BRINP2: variants seen among roughly 807,000 people sequenced by gnomAD.
BRINP2 encodes the protein BMP/retinoic acid inducible neural specific 2, also known as BMP/retinoic acid-inducible neural-specific protein 2.
Under a neutral mutation model 69.2 loss-of-function variants are expected in BRINP2, and 21 were observed. The ratio of observed to expected loss-of-function variants is 0.30; its 90% CI spans 0.22 to 0.44. BRINP2 has a LOEUF of 0.44. BRINP2 is among the 20% of genes least tolerant of loss of function. The pLI is 1.00. For missense variants in BRINP2, 877 were observed against 986.0 expected, an observed-to-expected ratio of 0.89 and a Z score of 1.48; for synonymous variants, 380 against 394.1, an observed-to-expected ratio of 0.96 and a Z score of 0.42.
At chr1:177,194,559 A>G (rs1005750533) in intron 1 of BRINP2, among the ~76,000 whole-genome samples, 9 of 152,184 alleles carry the variant, frequency 5.9e-5, no homozygotes. Context: ...ATGCATTCTT[A>G]ATTTGCAGGC....
At chr1:177,205,202 G>GGCAT (rs1307609337) in intron 1 of BRINP2, among the ~76,000 whole-genome samples, 2 of 152,090 alleles carry the variant, frequency 1.3e-5, no homozygotes, top group Non-Finnish European at 2.9e-5. Flanking sequence ...GGAGTGCAGT[G>GGCAT]GCATGATCTC....
At chr1:177,256,960 G>C (rs112131107) in intron 3 of BRINP2, 2 of 1,442,686 alleles carry the variant, frequency 1.4e-6, no homozygotes, top group Non-Finnish European at 9.1e-7. Flanking sequence ...GGGGGACTGA[G>C]CTTTGGAAGA....
chr1:177,246,484 G>T (rs1417142014), intron 2 of BRINP2, among the ~76,000 whole-genome samples: 1 of 152,200 alleles, frequency 6.6e-6, no homozygotes, highest in Non-Finnish European at 1.5e-5. Flanking sequence ...TAAAATAAGC[G>T]TGTGTAAAAA....
rs117577763 is a variant in BRINP2 at position 177,184,923 on chromosome 1, C to T, written c.-77+13191C>T. On this transcript the variant is annotated intron_variant, in intron 1 of 7. Transcript: ENST00000361539. ...GTGGTTCTCAAAATGCAATGTGCAC[C>T]TGGGGAGCTTATTAAAATGCAGAAT... is the stretch of plus-strand genomic sequence containing the variant. Among the ~76,000 whole-genome samples the T allele has an allele frequency of 9.9e-5, 15 of 152,114 alleles. No individual in the cohort carries two copies. In the East Asian group the frequency reaches 2.9e-3, roughly 29 times the overall value.
chr1:177,196,165 G>A (rs10753144), intron 1 of BRINP2, among the ~76,000 whole-genome samples: 91,214 of 152,102 alleles, frequency 0.6, 29,138 homozygotes, highest in African/African-American at 0.83. Flanking sequence ...GTTGAATGAA[G>A]TGTGCATTTT....
At chr1:177,257,414 A>T (rs1558180259) in intron 4 of BRINP2, 30 bp downstream of exon 4, 1 of 1,566,842 alleles carries the variant, frequency 6.4e-7, no homozygotes. Context: ...AGGGAAGGGG[A>T]TGGGGGAAGC....
At chr1:177,197,192 G>A (rs1332571234) in intron 1 of BRINP2, among the ~76,000 whole-genome samples, 1 of 152,190 alleles carries the variant, frequency 6.6e-6, no homozygotes, top group Admixed American at 6.5e-5. Context: ...GGAGGCCTTA[G>A]GAAGCTTCCA....
intron 1 of BRINP2, among the ~76,000 whole-genome samples, chr1:177,201,773 T>C (rs914147046): frequency 1.3e-5 from 2 of 152,228 alleles, no homozygotes; most frequent in Non-Finnish European, 2.9e-5. Flanking sequence ...TCAGAAGGAA[T>C]GGTACCAGCT....
chr1:177,174,698 C>T (rs1408395197), intron 1 of BRINP2, among the ~76,000 whole-genome samples: 1 of 152,170 alleles, frequency 6.6e-6, no homozygotes, highest in African/African-American at 2.4e-5. Flanking sequence ...TTGGAAACTT[C>T]GAGGCTTGCT....
chr1:177,246,489 T>C (rs1464732859), intron 2 of BRINP2, among the ~76,000 whole-genome samples: 1 of 152,236 alleles, frequency 6.6e-6, no homozygotes, highest in Non-Finnish European at 1.5e-5. Context: ...TAAGCGTGTG[T>C]AAAAATTGTG....
chr1:177,210,962 TA>T (rs1352473113), intron 1 of BRINP2, among the ~76,000 whole-genome samples: 1 of 148,398 alleles, frequency 6.7e-6, no homozygotes, highest in African/African-American at 2.5e-5. Context: ...TTTATATTTT[TA>T]ATATAGCTAT....
At chr1:177,235,469 C>A (rs1015132865) in intron 2 of BRINP2, among the ~76,000 whole-genome samples, 1 of 152,054 alleles carries the variant, frequency 6.6e-6, no homozygotes, top group Admixed American at 6.5e-5. Context: ...GAGTAGGTAC[C>A]GCAGCTGGGA....
At chr1:177,173,842 T>G (rs1280462977) in intron 1 of BRINP2, among the ~76,000 whole-genome samples, 1 of 152,152 alleles carries the variant, frequency 6.6e-6, no homozygotes, top group Non-Finnish European at 1.5e-5. Context: ...CAAGAGGTAA[T>G]CTGGAGGGAC....
At chr1:177,186,575 T>C (rs1648431632) in intron 1 of BRINP2, among the ~76,000 whole-genome samples, 1 of 151,948 alleles carries the variant, frequency 6.6e-6, no homozygotes. Flanking sequence ...GATACTTATG[T>C]AGAGGTAATG....
At chr1:177,277,887 C>T (rs1312629842) in intron 6 of BRINP2, among the ~76,000 whole-genome samples, 2 of 152,084 alleles carry the variant, frequency 1.3e-5, no homozygotes, top group Non-Finnish European at 2.9e-5. Flanking sequence ...CCATGGTGTG[C>T]CCAGGAAGCT....
chr1:177,261,170 C>T (rs927989579), intron 4 of BRINP2, among the ~76,000 whole-genome samples: 2 of 151,636 alleles, frequency 1.3e-5, no homozygotes, highest in African/African-American at 2.4e-5. Flanking sequence ...GGCAGTGAGG[C>T]TGGCATGCAG....
At chr1:177,273,282 C>A (rs186604068) in intron 4 of BRINP2, among the ~76,000 whole-genome samples, 258 of 152,292 alleles carry the variant, frequency 1.7e-3, no homozygotes, top group African/African-American at 6.0e-3. Flanking sequence ...ATAACTGCTG[C>A]TGCCAGCTAT....
intron 1 of BRINP2, among the ~76,000 whole-genome samples, chr1:177,207,469 CAG>C (rs1382163022): frequency 6.6e-6 from 1 of 152,140 alleles, no homozygotes; most frequent in East Asian, 1.9e-4. Flanking sequence ...GTGTGGATAA[CAG>C]AGTCCTGCAG....
At chr1:177,273,120 C>T (rs1198698493) in intron 4 of BRINP2, among the ~76,000 whole-genome samples, 1 of 152,156 alleles carries the variant, frequency 6.6e-6, no homozygotes, top group Non-Finnish European at 1.5e-5. Context: ...CTGGGCTTTC[C>T]AGCAGGCTGA....
Sources: allele counts gnomAD v4.1 joint callset (sites outside exome capture counted in the v4.1 genomes callset), GRCh38; gene constraint gnomAD v4.1.1; transcripts MANE v1.5; gene names NCBI Gene and HGNC (gene_info 2026-07-23, HGNC 2026-07-21).